CCDC85A: variants seen among roughly 807,000 people sequenced by gnomAD.
CCDC85A encodes the protein coiled-coil domain-containing protein 85A.
CCDC85A carries 38 observed loss-of-function variants against 50.2 expected under a neutral mutation model. The ratio of observed to expected loss-of-function variants is 0.76; its 90% CI spans 0.58 to 0.99. The LOEUF (loss-of-function observed/expected upper bound fraction) is 0.99, where lower values mean the gene tolerates loss of function less well. Among genes scored for constraint, CCDC85A ranks in the 50% least tolerant of loss-of-function variants. CCDC85A has a pLI of 0.00. For synonymous variants in CCDC85A, 366 were observed against 301.4 expected (o/e 1.21, Z -2.22); for missense variants, 820 against 742.0 (o/e 1.11, Z -1.22).
chr2:56,329,527 A>T (rs1361242445), intron 2 of CCDC85A, among the ~76,000 whole-genome samples: 1 of 152,210 alleles, frequency 6.6e-6, no homozygotes, highest in Non-Finnish European at 1.5e-5. Flanking sequence ...GTGCTAATTT[A>T]GATTATCTAA....
At chr2:56,382,523 A>G (rs1676639772) in intron 5 of CCDC85A, among the ~76,000 whole-genome samples, 2 of 151,962 alleles carry the variant, frequency 1.3e-5, no homozygotes, top group African/African-American at 4.8e-5. Context: ...TTTTTGTAGT[A>G]GTTGTTTTAT....
chr2:56,280,990 A>G (rs1671181557), intron 2 of CCDC85A, among the ~76,000 whole-genome samples: 1 of 152,212 alleles, frequency 6.6e-6, no homozygotes, highest in African/African-American at 2.4e-5. Flanking sequence ...TTGTGAGTAT[A>G]TAATTTGATG....
intron 2 of CCDC85A, among the ~76,000 whole-genome samples, chr2:56,250,431 A>T (rs999655591): frequency 1.1e-4 from 17 of 152,178 alleles, no homozygotes; most frequent in African/African-American, 4.1e-4. Context: ...TTGTTGAAAA[A>T]GTTATTGTAC....
At chr2:56,269,889 C>T (rs1399271244) in intron 2 of CCDC85A, among the ~76,000 whole-genome samples, 1 of 152,146 alleles carries the variant, frequency 6.6e-6, no homozygotes, top group Non-Finnish European at 1.5e-5. Flanking sequence ...TCCACATTAG[C>T]TTTGCTGGTG....
At chr2:56,258,332 TC>T (rs1670075124) in intron 2 of CCDC85A, among the ~76,000 whole-genome samples, 1 of 152,192 alleles carries the variant, frequency 6.6e-6, no homozygotes, top group African/African-American at 2.4e-5. Context: ...AATTTAAATC[TC>T]ACTTAAAACC....
intron 2 of CCDC85A, among the ~76,000 whole-genome samples, chr2:56,202,653 T>C (rs1480622128): frequency 6.6e-6 from 1 of 152,252 alleles, no homozygotes; most frequent in Non-Finnish European, 1.5e-5. Flanking sequence ...TTAAGCCAGT[T>C]ATTCTGATTT....
chr2:56,357,778 G>A (rs1419744284), intron 3 of CCDC85A, among the ~76,000 whole-genome samples: 1 of 149,228 alleles, frequency 6.7e-6, no homozygotes, highest in Non-Finnish European at 1.5e-5. Flanking sequence ...ACAAGCATCT[G>A]TAACCCTTAC....
At position 56,273,004 on chromosome 2, in the gene CCDC85A, C is replaced by T. The variant is rs1436729969; in HGVS notation, c.1241-69875C>T. Among the ~76,000 whole-genome samples the T allele has an allele frequency of 2.0e-5, 3 of 152,094 alleles. No homozygotes were observed. In the East Asian group the frequency reaches 5.8e-4, roughly 29 times the overall value. The stretch of plus-strand genomic sequence containing the variant: ...TAAGATAACCATACTGAATGACTTA[C>T]ATTTAGGATGATGTTACATTTGTGG... On this transcript the variant is annotated intron_variant, in intron 2 of 5. Coordinates refer to ENST00000407595, the MANE Select transcript of CCDC85A (RefSeq NM_001080433.2).
chr2:56,323,095 G>A (rs1258761662), intron 2 of CCDC85A, among the ~76,000 whole-genome samples: 1 of 152,102 alleles, frequency 6.6e-6, no homozygotes, highest in Non-Finnish European at 1.5e-5. Context: ...ATCGAACAAT[G>A]AGAACACATG....
At chr2:56,270,450 A>G (rs1261969457) in intron 2 of CCDC85A, among the ~76,000 whole-genome samples, 1 of 152,192 alleles carries the variant, frequency 6.6e-6, no homozygotes, top group Non-Finnish European at 1.5e-5. Context: ...TTTGAGTTAA[A>G]TAGTATCTTC....
At chr2:56,372,321 T>G in intron 3 of CCDC85A, 23 bp from the exon 4 acceptor site, 1 of 1,535,500 alleles carries the variant, frequency 6.5e-7, no homozygotes, top group Non-Finnish European at 8.8e-7. Context: ...TGAGTGATTG[T>G]ACCATATTGT....
chr2:56,369,644 T>G (rs1675977508), intron 3 of CCDC85A, among the ~76,000 whole-genome samples: 1 of 152,170 alleles, frequency 6.6e-6, no homozygotes, highest in Non-Finnish European at 1.5e-5. Flanking sequence ...TTACTGAGGT[T>G]TCCAACAAAT....
At chr2:56,200,440 G>A (rs1279815390) in intron 2 of CCDC85A, among the ~76,000 whole-genome samples, 1 of 152,214 alleles carries the variant, frequency 6.6e-6, no homozygotes, top group East Asian at 1.9e-4. Context: ...GATATCAAGA[G>A]TAGACTACGG....
intron 2 of CCDC85A, among the ~76,000 whole-genome samples, chr2:56,292,497 C>T (rs542362307): frequency 6.6e-6 from 1 of 152,294 alleles, no homozygotes; most frequent in Non-Finnish European, 1.5e-5. Context: ...CTCTGCCTTC[C>T]ACAACCCTCT....
At chr2:56,342,977 A>C in intron 3 of CCDC85A, 22 bp downstream of exon 3, 1 of 1,524,564 alleles carries the variant, frequency 6.6e-7, no homozygotes, top group Non-Finnish European at 9.0e-7. Context: ...CCAGAAGCTC[A>C]TAGCTAGTCA....
At chr2:56,354,619 C>G (rs1389617272) in intron 3 of CCDC85A, among the ~76,000 whole-genome samples, 1 of 152,104 alleles carries the variant, frequency 6.6e-6, no homozygotes, top group Admixed American at 6.5e-5. Flanking sequence ...TTAGAAGAAG[C>G]TCTTGTACAT....
chr2:56,308,438 T>C (rs1672540966), intron 2 of CCDC85A, among the ~76,000 whole-genome samples: 1 of 152,166 alleles, frequency 6.6e-6, no homozygotes, highest in Non-Finnish European at 1.5e-5. Flanking sequence ...AACTTAATGT[T>C]GGAGGTGGCA....
In CCDC85A at chr2:56,372,422, G is replaced by T. The variant is rs762140276; in HGVS notation, c.1396G>T (p.Val466Phe). Residue 466 changes from valine (V) to phenylalanine (F), a missense_variant, in exon 4 of 6, where the codon GTC becomes TTC. Transcript: ENST00000407595. ...AGGCTGGGGGTCCAGAGCCCGGCGG[G>T]TCTTGCAGTGGTGGCAAGGGTGCCG... ...EKGWGSRARRVLQWWQGCRGI... is the reference protein window; with the variant it reads ...EKGWGSRARRFLQWWQGCRGI... 4.4e-6 allele frequency: 7 copies of T among 1,608,718 alleles called. No homozygotes were observed. In the East Asian group the frequency reaches 1.6e-4, roughly 36 times the overall value.
chr2:56,207,993 A>G (rs1677023356), intron 2 of CCDC85A, among the ~76,000 whole-genome samples: 1 of 152,172 alleles, frequency 6.6e-6, no homozygotes, highest in Admixed American at 6.5e-5. Flanking sequence ...TGACATCAGT[A>G]GATTGCCATT....
Sources: gnomAD v4.1 joint callset for allele counts (sites outside exome capture counted in the v4.1 genomes callset) on GRCh38, gnomAD v4.1.1 for gene constraint, MANE v1.5 for transcripts, NCBI Gene and HGNC (gene_info 2026-07-23, HGNC 2026-07-21) for gene names.